The following FAM3B variants were observed in gnomAD, a reference collection of about 807,000 sequenced individuals.
FAM3B encodes protein FAM3B.
In FAM3B, 29 loss-of-function variants were observed where a neutral mutation model predicts 28.4. That is an observed-to-expected ratio of 1.02 (90% CI 0.76 to 1.39). The LOEUF (loss-of-function observed/expected upper bound fraction) is 1.39, where lower values mean the gene tolerates loss of function less well. FAM3B is among the 40% of genes most tolerant of loss of function. FAM3B has a pLI of 0.00. For synonymous variants in FAM3B, 91 were observed against 103.0 expected, an observed-to-expected ratio of 0.88 and a Z score of 0.71; for missense variants, 266 against 293.9, an observed-to-expected ratio of 0.91 and a Z score of 0.69.
chr21:41,310,915 C>A (rs934217922), intron 1 of FAM3B, among the ~76,000 whole-genome samples: 2 of 152,122 alleles, frequency 1.3e-5, no homozygotes, highest in East Asian at 3.9e-4. Flanking sequence ...CCCCATTTCA[C>A]GTATTTTTTT....
rs74659021 is a variant in FAM3B, at chr21:41,333,226, A to G, written c.164-5152A>G. ...CAGAAGCCAGTGTTGTTTGATTTCT[A>G]CATATTTTTGAATTTTCTGAAATTA... On this transcript the variant is annotated intron_variant, in intron 2 of 7. Coordinates refer to ENST00000357985, the MANE Select transcript of FAM3B (RefSeq NM_058186.4). Among the ~76,000 whole-genome samples the G allele has an allele frequency of 6.0e-3, 899 of 150,402 alleles. 3 individuals are homozygous for G. Among genetic ancestry groups the G allele is most frequent in the Non-Finnish European group, 0.011 (714 of 67,700 alleles).
intron 3 of FAM3B, among the ~76,000 whole-genome samples, chr21:41,339,248 CTTAAG>C (rs1304949792): frequency 6.6e-6 from 1 of 152,088 alleles, no homozygotes; most frequent in East Asian, 1.9e-4. Flanking sequence ...TACAGCACTA[CTTAAG>C]TTATCTGTTT....
chr21:41,324,096 C>G (rs2088834962), intron 2 of FAM3B, among the ~76,000 whole-genome samples: 1 of 152,094 alleles, frequency 6.6e-6, no homozygotes, highest in Non-Finnish European at 1.5e-5. Context: ...GCCAAAGGCC[C>G]CACCTCCTAA....
chr21:41,341,276 T>C (rs1367819030), intron 3 of FAM3B, among the ~76,000 whole-genome samples: 1 of 152,266 alleles, frequency 6.6e-6, no homozygotes, highest in African/African-American at 2.4e-5. Context: ...TGATGTTTGA[T>C]ATCTTTTGGT....
intron 7 of FAM3B, among the ~76,000 whole-genome samples, chr21:41,350,944 G>T (rs971654832): frequency 7.2e-5 from 11 of 152,204 alleles, no homozygotes; most frequent in Non-Finnish European, 1.2e-4. Context: ...GCGGTGAGCA[G>T]GTACTCCTGG....
rs1425823124 is a variant in FAM3B at position 41,326,676 on chromosome 21, T to C, written c.163+3610T>C. ...GGGAAGTCCCTGGGGAGAGCATCCC[T>C]ATGGGACCCCCACAATGGCCCCGCT... is the stretch of plus-strand genomic sequence containing the variant. On this transcript the variant is annotated intron_variant, in intron 2 of 7. Transcript: ENST00000357985. The surrounding 1 kb of genome is among the most constrained non-coding windows in gnomAD (Gnocchi z 4.0). 6.6e-6 allele frequency among the ~76,000 whole-genome samples: 1 copy of C among 152,200 alleles called. No homozygotes were observed. Among genetic ancestry groups the C allele is most frequent in the African/African-American group, 2.4e-5 (1 of 41,458 alleles).
At chr21:41,328,099 G>A (rs551038304) in intron 2 of FAM3B, among the ~76,000 whole-genome samples, 23 of 152,206 alleles carry the variant, frequency 1.5e-4, no homozygotes, top group Non-Finnish European at 2.9e-4. Flanking sequence ...CCATGGAGCT[G>A]TCTTGCTGAG....
At chr21:41,305,160 G>A (rs2088676570) in intron 1 of FAM3B, among the ~76,000 whole-genome samples, 1 of 152,198 alleles carries the variant, frequency 6.6e-6, no homozygotes, top group South Asian at 2.1e-4. Context: ...CACTCCAGGT[G>A]GGTAGAGGTC....
intron 1 of FAM3B, among the ~76,000 whole-genome samples, 154 bp downstream of exon 1, chr21:41,317,052 G>T (rs2123689748): frequency 6.6e-6 from 1 of 152,376 alleles, no homozygotes; most frequent in Admixed American, 6.5e-5. Context: ...CCTGGGATCA[G>T]GAATGCGGGA....
chr21:41,353,689 C>T (rs1164771134), intron 7 of FAM3B, among the ~76,000 whole-genome samples: 7 of 152,216 alleles, frequency 4.6e-5, no homozygotes, highest in African/African-American at 1.7e-4. Flanking sequence ...AATGTAATGG[C>T]TAACACTATT....
chr21:41,325,858 G>A (rs1276050705), intron 2 of FAM3B, among the ~76,000 whole-genome samples: 2 of 152,186 alleles, frequency 1.3e-5, no homozygotes, highest in African/African-American at 2.4e-5. Flanking sequence ...CATTGCTGTC[G>A]CTACTTTCAG....
chr21:41,353,221 G>A (rs2089137386), intron 7 of FAM3B, among the ~76,000 whole-genome samples: 1 of 152,192 alleles, frequency 6.6e-6, no homozygotes, highest in Non-Finnish European at 1.5e-5. Context: ...TTGTTAAGAT[G>A]TCAATACTTT....
chr21:41,316,702 G>C, upstream of FAM3B: 1 of 442,230 alleles, frequency 2.3e-6, no homozygotes, highest in Non-Finnish European at 3.8e-6. Flanking sequence ...GCCCACGCCC[G>C]CCCCGCGCAC....
intron 1 of FAM3B, among the ~76,000 whole-genome samples, chr21:41,321,697 G>C (rs773951009): frequency 3.9e-5 from 6 of 152,170 alleles, no homozygotes; most frequent in Non-Finnish European, 8.8e-5. Flanking sequence ...TATCCCCATG[G>C]CTCCCTCTGC....
At position 41,330,113 on chromosome 21, in the gene FAM3B, A is replaced by G. The variant is rs552806579; in HGVS notation, c.163+7047A>G. 1.1e-4 allele frequency among the ~76,000 whole-genome samples: 16 copies of G among 144,212 alleles called. No homozygotes were observed. In the South Asian group the frequency reaches 3.6e-3, roughly 33 times the overall value. 94.6% of individuals were successfully genotyped at this position (144,212 alleles called of 152,430 possible). ...CTGCCTAATTTGTAAACTAACCTTT[A>G]TCATAGTTATGTCTGTATAGGAAAA... On this transcript the variant is annotated intron_variant, in intron 2 of 7. Coordinates refer to ENST00000357985, the MANE Select transcript of FAM3B (RefSeq NM_058186.4).
chr21:41,321,831 G>A (rs1382830045), intron 1 of FAM3B, among the ~76,000 whole-genome samples: 4 of 152,208 alleles, frequency 2.6e-5, no homozygotes, highest in African/African-American at 9.6e-5. Flanking sequence ...AAGTCAAGCT[G>A]AGGTCCAGAA....
upstream of FAM3B, among the ~76,000 whole-genome samples, chr21:41,314,912 G>A (rs2088736698): frequency 6.6e-6 from 1 of 152,152 alleles, no homozygotes; most frequent in African/African-American, 2.4e-5. Flanking sequence ...ATTATCGTAT[G>A]ATCCAGCAAT....
chr21:41,349,598 T>A (rs2089095754), intron 7 of FAM3B, among the ~76,000 whole-genome samples: 1 of 152,168 alleles, frequency 6.6e-6, no homozygotes, highest in African/African-American at 2.4e-5. Flanking sequence ...TGCCTCCTTG[T>A]GCTGTGGATA....
intron 7 of FAM3B, 123 bp from the exon 8 acceptor site, chr21:41,356,985 A>G (rs368029023): frequency 4.4e-6 from 2 of 453,136 alleles, no homozygotes; most frequent in African/African-American, 4.1e-5. Context: ...GAAATCAAAC[A>G]CCCAGCTTTG....
Sources: gnomAD v4.1 joint callset for allele counts (sites outside exome capture counted in the v4.1 genomes callset) on GRCh38, gnomAD v4.1.1 for gene constraint, Gnocchi (gnomAD v3.1) non-coding constraint, MANE v1.5 for transcripts, NCBI Gene and HGNC (gene_info 2026-07-23, HGNC 2026-07-21) for gene names.